Variants in KCNIP1 observed in about 807,000 individuals in gnomAD.
KCNIP1 encodes the protein potassium voltage-gated channel interacting protein 1, also known as A-type potassium channel modulatory protein KCNIP1.
A neutral mutation model predicts 33.0 loss-of-function variants in KCNIP1; 18 were observed. That is an observed-to-expected ratio of 0.55 (90% CI 0.38 to 0.81). The LOEUF is 0.81. Among genes scored for constraint, KCNIP1 ranks in the 30% least tolerant of loss-of-function variants. KCNIP1 has a pLI of 0.00. For synonymous variants in KCNIP1, 93 were observed against 98.3 expected (o/e 0.95, Z 0.32); for missense variants, 238 against 271.6 (o/e 0.88, Z 0.87).
At chr5:170,388,673 T>G (rs1764586167) in intron 1 of KCNIP1, among the ~76,000 whole-genome samples, 1 of 152,188 alleles carries the variant, frequency 6.6e-6, no homozygotes, top group Admixed American at 6.5e-5. Flanking sequence ...TTGAACAGTT[T>G]GGTGGGGTGT....
rs979284583 is a variant in KCNIP1 at position 170,521,887 on chromosome 5, T to G, written c.61+17254T>G. ...ACTTCTTGATGGGCCAGTAGCCTTC[T>G]TCCATGTAGTCACTCAGGGACCTAG... On this transcript the variant is annotated intron_variant, in intron 1 of 7. Transcript: ENST00000328939. Among the ~76,000 whole-genome samples the G allele has an allele frequency of 6.6e-5, 10 of 152,360 alleles. No individual in the cohort carries two copies. The South Asian group carries it at 1.7e-3, about 25-fold the overall frequency.
intron 1 of KCNIP1, among the ~76,000 whole-genome samples, chr5:170,396,931 C>T (rs1001585674): frequency 6.6e-6 from 1 of 152,160 alleles, no homozygotes; most frequent in African/African-American, 2.4e-5. Flanking sequence ...AGGACTATTT[C>T]AAAATATGTC....
intron 1 of KCNIP1, among the ~76,000 whole-genome samples, chr5:170,404,506 G>A (rs759228568): frequency 6.6e-5 from 10 of 152,094 alleles, no homozygotes; most frequent in Non-Finnish European, 1.0e-4. Flanking sequence ...GCAGTCAGTC[G>A]GTCCCAGGGG....
At chr5:170,696,064 G>A (rs988792905) in intron 1 of KCNIP1, among the ~76,000 whole-genome samples, 2 of 148,908 alleles carry the variant, frequency 1.3e-5, no homozygotes, top group South Asian at 2.1e-4. Flanking sequence ...TAATCTTTGC[G>A]CATGCTGTTC....
At chr5:170,631,375 A>G (rs1760045662) in intron 1 of KCNIP1, among the ~76,000 whole-genome samples, 1 of 152,140 alleles carries the variant, frequency 6.6e-6, no homozygotes, top group Non-Finnish European at 1.5e-5. Flanking sequence ...TGCTGTCCAC[A>G]CACATGGTAC....
chr5:170,354,964 C>T (rs1008308545), intron 1 of KCNIP1, among the ~76,000 whole-genome samples: 1 of 152,172 alleles, frequency 6.6e-6, no homozygotes, highest in Admixed American at 6.5e-5. Flanking sequence ...GCCCACAAAA[C>T]TTTGATGGGA....
rs182776596 is a variant in KCNIP1, at chr5:170,445,154, G to A, written c.88+91190G>A. On this transcript the variant is annotated intron_variant, in intron 1 of 7. Coordinates refer to the KCNIP1 transcript ENST00000377360. The stretch of plus-strand genomic sequence containing the variant: ...ACTGGCCAGCTCTGTCACTGCAGGC[G>A]GGAACTTTCCTTCCTGTGGGGCCCA... Among the ~76,000 whole-genome samples the A allele has an allele frequency of 1.9e-3, 284 of 152,304 alleles. 2 individuals carry two copies. The highest frequency in any genetic ancestry group is 6.2e-3 in the African/African-American group (258 of 41,558).
At chr5:170,582,481 A>T (rs958259791) in intron 1 of KCNIP1, among the ~76,000 whole-genome samples, 1 of 152,218 alleles carries the variant, frequency 6.6e-6, no homozygotes, top group African/African-American at 2.4e-5. Flanking sequence ...ATAATATTGC[A>T]TCTACCCCCT....
At chr5:170,568,098 G>C (rs1757264107) in intron 1 of KCNIP1, among the ~76,000 whole-genome samples, 1 of 152,190 alleles carries the variant, frequency 6.6e-6, no homozygotes, top group Non-Finnish European at 1.5e-5. Context: ...AAATGGGATC[G>C]ATAACAGAGG....
chr5:170,363,477 T>C (rs569672125), intron 1 of KCNIP1, among the ~76,000 whole-genome samples: 1 of 152,296 alleles, frequency 6.6e-6, no homozygotes, highest in African/African-American at 2.4e-5. Context: ...GGAAAAGCCA[T>C]GTGAGGGCAA....
chr5:170,686,287 T>G (rs1762535625), intron 1 of KCNIP1, among the ~76,000 whole-genome samples: 1 of 151,330 alleles, frequency 6.6e-6, no homozygotes, highest in Non-Finnish European at 1.5e-5. Flanking sequence ...AGAGCTACAA[T>G]AAATGAGAGA....
chr5:170,615,556 T>C (rs1759334117), intron 1 of KCNIP1, among the ~76,000 whole-genome samples: 2 of 152,092 alleles, frequency 1.3e-5, no homozygotes, highest in African/African-American at 4.8e-5. Context: ...ATCTTGCTAG[T>C]TCCTTGCAGG....
At chr5:170,675,767 T>C (rs1762109195) in intron 1 of KCNIP1, among the ~76,000 whole-genome samples, 1 of 152,218 alleles carries the variant, frequency 6.6e-6, no homozygotes, top group Non-Finnish European at 1.5e-5. Flanking sequence ...TCCCTCTCTT[T>C]GCCCCCATTT....
rs114577920 is a variant in KCNIP1, at chr5:170,592,884, C to T, written c.61+88251C>T. On this transcript the variant is annotated intron_variant, in intron 1 of 7. Coordinates refer to ENST00000328939, the MANE Select transcript of KCNIP1 (RefSeq NM_014592.4). ...TTAACACTGCCATGCTTATAAGCTC[C>T]GGACAAACACAAGAAGCCCGAAACA... is the stretch of plus-strand genomic sequence containing the variant. Among the ~76,000 whole-genome samples the T allele has an allele frequency of 6.8e-3, 1,030 of 152,128 alleles. 10 individuals carry two copies. The highest frequency in any genetic ancestry group is 0.023 in the African/African-American group (965 of 41,498).
chr5:170,504,908 G>C lies in KCNIP1; in HGVS notation c.61+275G>C, dbSNP rs1165379334. Among the ~76,000 whole-genome samples the C allele has an allele frequency of 6.6e-6, 1 of 152,210 alleles. No homozygotes were observed. Among genetic ancestry groups the C allele is most frequent in the African/African-American group, 2.4e-5 (1 of 41,448 alleles). ...CCTGGGGAAATCTCTGAGAGCCGAA[G>C]GAAGCGGCATGTTCACAGGTGGGGG... On this transcript the variant is annotated intron_variant, in intron 1 of 7. Transcript: ENST00000328939. The surrounding 1 kb of genome is among the most constrained non-coding windows in gnomAD (Gnocchi z 6.0).
intron 1 of KCNIP1, among the ~76,000 whole-genome samples, chr5:170,373,774 A>G (rs1158642898): frequency 6.6e-6 from 1 of 152,152 alleles, no homozygotes; most frequent in African/African-American, 2.4e-5. Flanking sequence ...ATTCCATTGC[A>G]CTCTCATAAG....
At chr5:170,569,251 C>T (rs149610706) in intron 1 of KCNIP1, among the ~76,000 whole-genome samples, 2 of 152,234 alleles carry the variant, frequency 1.3e-5, no homozygotes, top group East Asian at 3.8e-4. Context: ...CAAAGGAGCC[C>T]GTTCTGACCC....
chr5:170,592,412 T>A (rs1386054898), intron 1 of KCNIP1, among the ~76,000 whole-genome samples: 1 of 152,250 alleles, frequency 6.6e-6, no homozygotes, highest in Non-Finnish European at 1.5e-5. Flanking sequence ...AGGTTAATTA[T>A]CCAAGGTCAC....
chr5:170,526,879 C>A (rs1234539717), intron 1 of KCNIP1, among the ~76,000 whole-genome samples: 1 of 152,076 alleles, frequency 6.6e-6, no homozygotes, highest in Non-Finnish European at 1.5e-5. Flanking sequence ...CCTGCCACCA[C>A]ACCCGGCTAA....
Sources: gnomAD v4.1 joint callset for allele counts (sites outside exome capture counted in the v4.1 genomes callset) on GRCh38, gnomAD v4.1.1 for gene constraint, Gnocchi (gnomAD v3.1) non-coding constraint, MANE v1.5 for transcripts, NCBI Gene and HGNC (gene_info 2026-07-23, HGNC 2026-07-21) for gene names.